SLCO4A1: variants seen among roughly 807,000 people sequenced by gnomAD.
SLCO4A1 encodes the protein colon organic anion transporter.
A neutral mutation model predicts 64.6 loss-of-function variants in SLCO4A1; 51 were observed. The ratio of observed to expected loss-of-function variants is 0.79; its 90% confidence interval spans 0.63 to 1.00. The LOEUF is 1.00. SLCO4A1 is among the 50% of genes least tolerant of loss of function. The pLI is 0.00. For synonymous variants in SLCO4A1, 471 were observed against 444.9 expected (o/e 1.06, Z -0.74); for missense variants, 919 against 980.5 (o/e 0.94, Z 0.84).
rs933447050 is a variant in SLCO4A1, at chr20:62,660,643, C to G, written c.1009+110C>G. 2.4e-5 allele frequency: 31 copies of G among 1,268,546 alleles called. No homozygotes were observed. In the Admixed American group the frequency reaches 5.5e-4, roughly 22 times the overall value. The allele number at this position is 1,268,546 out of a possible 1,614,324, so 78.6% of individuals were successfully genotyped here. A position where few individuals can be genotyped will look rare whatever the true frequency, so the allele number is the denominator to read the frequency against. On this transcript the variant is annotated intron_variant, in intron 4 of 11. Coordinates refer to ENST00000217159, the MANE Select transcript of SLCO4A1 (RefSeq NM_016354.4). ...GTCTTTTTCCCCGCCATGATCAAGTCTGCGGCACACCCTCATTCTCAGTGT... is the reference window on the plus strand; with the variant it reads ...GTCTTTTTCCCCGCCATGATCAAGTGTGCGGCACACCCTCATTCTCAGTGT...
At chr20:62,660,162 C>T (rs561236006) in intron 3 of SLCO4A1, among the ~76,000 whole-genome samples, 1 of 152,346 alleles carries the variant, frequency 6.6e-6, no homozygotes, top group East Asian at 1.9e-4. Flanking sequence ...GTGGCATCTC[C>T]AGCCCTGGAG....
intron 1 of SLCO4A1, among the ~76,000 whole-genome samples, chr20:62,647,117 C>A (rs1006723539): frequency 2.0e-5 from 3 of 152,260 alleles, no homozygotes; most frequent in African/African-American, 7.2e-5. Flanking sequence ...ACAGCTGAGG[C>A]CCCCATATGC....
chr20:62,658,093 C>T (rs6011452), intron 2 of SLCO4A1, among the ~76,000 whole-genome samples: 1,748 of 152,208 alleles, frequency 0.011, 36 homozygotes, highest in African/African-American at 0.039. Context: ...TTGGCTCTCC[C>T]GGGAAGGGCA....
In SLCO4A1 at chr20:62,644,345, A is replaced by T. The variant is rs75665816; in HGVS notation, c.-97+1792A>T. On this transcript the variant is annotated intron_variant, in intron 1 of 11. Transcript: ENST00000217159. This position sits in a 1 kb window ranked among gnomAD's most constrained non-coding sequence, Gnocchi z 5.4. ...GCAGGTGGTGCCTGGAAAATTCTTCATGAGGGAGCTTCCCTCCCGAGTGGC... is the reference window on the plus strand; with the variant it reads ...GCAGGTGGTGCCTGGAAAATTCTTCTTGAGGGAGCTTCCCTCCCGAGTGGC... Among the ~76,000 whole-genome samples the T allele has an allele frequency of 1.3e-5, 2 of 152,224 alleles. No homozygotes were observed. The highest frequency in any genetic ancestry group is 2.9e-5 in the Non-Finnish European group (2 of 68,038).
chr20:62,651,620 A>G (rs1354015852), intron 1 of SLCO4A1: 1 of 152,240 alleles, frequency 6.6e-6, no homozygotes, highest in Admixed American at 6.5e-5. Context: ...CAGAGCTTTT[A>G]ATTCAGGTAA....
chr20:62,654,486 C>T (rs1403110294), intron 1 of SLCO4A1, among the ~76,000 whole-genome samples: 3 of 152,168 alleles, frequency 2.0e-5, no homozygotes, highest in Middle Eastern at 3.2e-3. Flanking sequence ...CAGGTCCCCA[C>T]GGGACTGCCT....
intron 1 of SLCO4A1, among the ~76,000 whole-genome samples, chr20:62,647,247 G>C (rs1238394613): frequency 6.6e-6 from 1 of 152,224 alleles, no homozygotes; most frequent in Non-Finnish European, 1.5e-5. Context: ...CAGGTGTCTT[G>C]GGGGGCTGGT....
At position 62,666,358 on chromosome 20, in the gene SLCO4A1, C is replaced by G; in HGVS notation, c.1277-22C>G. 1.9e-6 allele frequency: 3 copies of G among 1,608,402 alleles called. No homozygotes were observed. The South Asian group carries it at 3.3e-5, about 18-fold the overall frequency. ...CACGGCCCCCTGCCTGAGTCCCTGG[C>G]TGAATCCCTCCCTCTCCCCAGGGTA... is the stretch of plus-strand genomic sequence containing the variant. On this transcript the variant is annotated intron_variant, in intron 6 of 11. Transcript: ENST00000217159.
intron 1 of SLCO4A1, chr20:62,642,945 G>T (rs1980647946): frequency 4.3e-6 from 2 of 462,988 alleles, no homozygotes; most frequent in African/African-American, 4.1e-5. Context: ...GCGCGCAGGC[G>T]CAGGCCCCAC....
chr20:62,652,722 T>C (rs1982822775), intron 1 of SLCO4A1, among the ~76,000 whole-genome samples: 1 of 152,210 alleles, frequency 6.6e-6, no homozygotes, highest in Non-Finnish European at 1.5e-5. Context: ...TGGATAGGTG[T>C]TGGCATTGTA....
Position 62,672,158 on chromosome 20 carries a change from T to C in SLCO4A1, c.*265T>C. 2.9e-6 allele frequency: 4 copies of C among 1,359,288 alleles called. No individual in the cohort carries two copies. Among genetic ancestry groups the C allele is most frequent in the South Asian group, 1.5e-5 (1 of 65,238 alleles). The allele number at this position is 1,359,288 out of a possible 1,614,324, so 84.2% of individuals were successfully genotyped here. On this transcript the variant is annotated 3_prime_UTR_variant, in exon 12 of 12. Coordinates refer to ENST00000217159, the MANE Select transcript of SLCO4A1 (RefSeq NM_016354.4). The stretch of plus-strand genomic sequence containing the variant: ...AGAATGTGTTTTATACCCGATCGTG[T>C]GTGGTGTGCGTGAGGACAAACTCCG...
Position 62,669,024 on chromosome 20 carries a change from G to A in SLCO4A1, c.1971G>A (p.Val657=). The stretch of plus-strand genomic sequence containing the variant: ...GTGGCCAGCAGGGCTCCTGCTTGGT[G>A]TACCAGAATTCGGCCATGAGCCGCT... ...DQCGQQGSCL[V]YQNSAMSRYI... Residue 657 remains valine (V), a synonymous_variant, in exon 11 of 12, where the codon GTG becomes GTA. Coordinates refer to ENST00000217159, the MANE Select transcript of SLCO4A1 (RefSeq NM_016354.4). The A allele has an allele frequency of 1.9e-6, 3 of 1,611,464 alleles. No individual in the cohort carries two copies. The highest frequency in any genetic ancestry group is 2.5e-6 in the Non-Finnish European group (3 of 1,179,996).
intron 5 of SLCO4A1, among the ~76,000 whole-genome samples, chr20:62,662,627 G>A (rs1985202793): frequency 2.6e-5 from 4 of 152,204 alleles, no homozygotes; most frequent in Admixed American, 2.0e-4. Context: ...AAGAAATGAA[G>A]TTTGCATAGC....
In SLCO4A1 at chr20:62,666,399, G is replaced by C. The variant is rs750660418; in HGVS notation, c.1296G>C (p.Ala432=). 2 of 1,612,868 alleles carry C rather than the reference G, an allele frequency of 1.2e-6. No individual in the cohort carries two copies. Among genetic ancestry groups the C allele is most frequent in the Non-Finnish European group, 1.7e-6 (2 of 1,179,884 alleles). Residue 432 remains alanine (A), a synonymous_variant, in exon 7 of 12, where the codon GCG becomes GCC. Coordinates refer to ENST00000217159, the MANE Select transcript of SLCO4A1 (RefSeq NM_016354.4). The part of the protein sequence containing the change: ...ATLFGYLVVP[A]GGGGTFLGGF... The stretch of plus-strand genomic sequence containing the variant: ...CCCCAGGGTACCTGGTGGTGCCAGC[G>C]GGTGGTGGCGGCACCTTCCTGGGCG...
chr20:62,643,666 A>G (rs1980812472), intron 1 of SLCO4A1, among the ~76,000 whole-genome samples: 1 of 152,260 alleles, frequency 6.6e-6, no homozygotes, highest in South Asian at 2.1e-4. Flanking sequence ...CTGGCTCTGC[A>G]GAGCCCGGTG....
At chr20:62,657,346 C>T in intron 2 of SLCO4A1, 96 bp downstream of exon 2, 1 of 1,158,782 alleles carries the variant, frequency 8.6e-7, no homozygotes, top group Non-Finnish European at 1.2e-6. Flanking sequence ...CGCCCCCTGC[C>T]TTCGTGTACC....
intron 1 of SLCO4A1, chr20:62,643,224 G>T (rs1345542749): frequency 2.9e-6 from 1 of 343,454 alleles, no homozygotes; most frequent in Non-Finnish European, 5.9e-6. Flanking sequence ...GGGGACCCGG[G>T]CGCCCTCCAG....
intron 1 of SLCO4A1, among the ~76,000 whole-genome samples, chr20:62,647,691 G>T (rs759460756): frequency 1.1e-4 from 17 of 152,276 alleles, no homozygotes; most frequent in Middle Eastern, 3.2e-3. Flanking sequence ...GGAAGTAAGT[G>T]CATGGGGCCT....
chr20:62,675,724 C>T (rs896090848), downstream of SLCO4A1, among the ~76,000 whole-genome samples: 11 of 152,234 alleles, frequency 7.2e-5, no homozygotes, highest in South Asian at 2.1e-4. Flanking sequence ...TCCGGGATCA[C>T]GGGCGCACCC....
Sources: gnomAD v4.1 joint callset for allele counts (sites outside exome capture counted in the v4.1 genomes callset) on GRCh38, gnomAD v4.1.1 for gene constraint, Gnocchi (gnomAD v3.1) non-coding constraint, MANE v1.5 for transcripts, NCBI Gene and HGNC (gene_info 2026-07-23, HGNC 2026-07-21) for gene names.